The following SORBS2 variants were observed in gnomAD, a reference collection of about 807,000 sequenced individuals.
The protein encoded by SORBS2 is sorbin and SH3 domain-containing protein 2.
SORBS2 carries 46 observed loss-of-function variants against 97.7 expected under a neutral mutation model. That is an observed-to-expected ratio of 0.47 (90% CI 0.37 to 0.60). The LOEUF (loss-of-function observed/expected upper bound fraction) is 0.60. Among genes scored for constraint, SORBS2 ranks in the 20% least tolerant of loss-of-function variants. SORBS2 has a pLI of 0.00. For synonymous variants in SORBS2, 476 were observed against 473.4 expected (o/e 1.01, Z -0.07); for missense variants, 1,316 against 1,282.3 (o/e 1.03, Z -0.40).
intron 1 of SORBS2, among the ~76,000 whole-genome samples, chr4:185,911,382 C>T (rs2099254964): frequency 6.6e-6 from 1 of 152,232 alleles, no homozygotes; most frequent in East Asian, 1.9e-4. Flanking sequence ...TGTGCACCAC[C>T]ATGCCTGGCT....
intron 4 of SORBS2, among the ~76,000 whole-genome samples, chr4:185,678,147 T>A (rs891197013): frequency 6.6e-6 from 1 of 152,176 alleles, no homozygotes; most frequent in Admixed American, 6.5e-5. Context: ...GCATCAGCTG[T>A]CAGCTTTTAA....
intron 1 of SORBS2, among the ~76,000 whole-genome samples, chr4:185,929,495 A>G (rs1054142592): frequency 6.6e-6 from 1 of 151,514 alleles, no homozygotes; most frequent in Non-Finnish European, 1.5e-5. Flanking sequence ...TTTCATTATG[A>G]TAGCAAAGAG....
intron 1 of SORBS2, among the ~76,000 whole-genome samples, chr4:185,835,421 T>G (rs2099207485): frequency 6.6e-6 from 1 of 152,234 alleles, no homozygotes; most frequent in Non-Finnish European, 1.5e-5. Context: ...TTGTCTTGTT[T>G]AGTGGAAGAT....
intron 1 of SORBS2, among the ~76,000 whole-genome samples, chr4:185,857,928 C>CTAATTTTGCCCTTGCCTTG (rs1227192841): frequency 6.6e-6 from 1 of 152,172 alleles, no homozygotes; most frequent in African/African-American, 2.4e-5. Flanking sequence ...ATCAGTAATT[C>CTAATTTTGCCCTTGCCTTG]TAATTTTGCC....
At chr4:185,943,705 A>G (rs13119808) in intron 1 of SORBS2, among the ~76,000 whole-genome samples, 127,730 of 152,152 alleles carry the variant, frequency 0.84, 54,253 homozygotes, top group East Asian at 0.95. Flanking sequence ...TAATTTAAAA[A>G]GAACAATTGA....
At chr4:185,682,165 A>C (rs561236938) in intron 2 of SORBS2, among the ~76,000 whole-genome samples, 1 of 152,314 alleles carries the variant, frequency 6.6e-6, no homozygotes, top group South Asian at 2.1e-4. Context: ...AGAGGTAAGA[A>C]ATGACAAACA....
chr4:185,663,478 T>C (rs2097549581), intron 4 of SORBS2, among the ~76,000 whole-genome samples: 1 of 152,212 alleles, frequency 6.6e-6, no homozygotes, highest in Admixed American at 6.5e-5. Flanking sequence ...CTCTAAGCTG[T>C]TAGAAAAATT....
chr4:185,946,111 T>C (rs2099274399), intron 1 of SORBS2, among the ~76,000 whole-genome samples: 1 of 150,310 alleles, frequency 6.7e-6, no homozygotes, highest in Non-Finnish European at 1.5e-5. Context: ...GGTGTGATGA[T>C]TGGGTTTCTA....
intron 1 of SORBS2, among the ~76,000 whole-genome samples, chr4:185,907,625 T>C (rs941844665): frequency 3.3e-5 from 5 of 152,230 alleles, no homozygotes; most frequent in Admixed American, 2.0e-4. Flanking sequence ...TTATGTATAA[T>C]GTGATTTTAG....
intron 1 of SORBS2, 112 bp from the exon 2 acceptor site, chr4:185,775,478 CG>C (rs2098995381): frequency 6.6e-6 from 1 of 151,948 alleles, no homozygotes; most frequent in Non-Finnish European, 1.5e-5. Flanking sequence ...TAACAGCAGC[CG>C]GGGTTGTCTG....
At chr4:185,906,238 G>A (rs2099250751) in intron 1 of SORBS2, among the ~76,000 whole-genome samples, 1 of 152,134 alleles carries the variant, frequency 6.6e-6, no homozygotes, top group African/African-American at 2.4e-5. Flanking sequence ...TCTCCTTGTT[G>A]CTCAGGCTGG....
intron 12 of SORBS2, among the ~76,000 whole-genome samples, chr4:185,604,735 AT>A (rs748729801): frequency 1.3e-5 from 2 of 152,042 alleles, no homozygotes; most frequent in Non-Finnish European, 2.9e-5. Context: ...GATCAGTTTA[AT>A]TTTTCGCATG....
exon 15 of SORBS2, chr4:185,586,285 C>T (rs6831183): frequency 0.88 from 133,779 of 152,660 alleles, 58,675 homozygotes; most frequent in Admixed American, 0.91. Context: ...CACTGTGAAC[C>T]ATATTAAACC....
At chr4:185,797,714 C>A (rs73017843) in intron 1 of SORBS2, among the ~76,000 whole-genome samples, 2,925 of 152,294 alleles carry the variant, frequency 0.019, 94 homozygotes, top group African/African-American at 0.066. Flanking sequence ...CAAGTTAGCA[C>A]TACAGAGCTG....
rs556470819 is a variant in SORBS2, at chr4:185,790,846, T to G, written c.-337-15480A>C. ...TTCTGAAATGATCCAATTTTGTCAC[T>G]CAGCATTGACTCTGTACCACAGAAA... On this transcript the variant is annotated intron_variant, in intron 1 of 20. Transcript: ENST00000284776. Among the ~76,000 whole-genome samples the G allele has an allele frequency of 1.7e-4, 26 of 152,296 alleles. No homozygotes were observed. The East Asian group carries it at 4.0e-3, about 24-fold the overall frequency.
At chr4:185,709,186 C>CTT (rs1562044583) in intron 2 of SORBS2, among the ~76,000 whole-genome samples, 2 of 151,950 alleles carry the variant, frequency 1.3e-5, no homozygotes, top group Non-Finnish European at 2.9e-5. Flanking sequence ...ACCCAGCTAA[C>CTT]TTTTGTATTT....
At chr4:185,754,980 T>G (rs2098822379) in intron 2 of SORBS2, among the ~76,000 whole-genome samples, 1 of 152,212 alleles carries the variant, frequency 6.6e-6, no homozygotes, top group Non-Finnish European at 1.5e-5. Context: ...AAATGGGCTT[T>G]GTGAAAATGT....
intron 1 of SORBS2, among the ~76,000 whole-genome samples, chr4:185,809,831 G>T (rs150735093): frequency 6.6e-6 from 1 of 152,128 alleles, no homozygotes; most frequent in East Asian, 1.9e-4. Flanking sequence ...CACAGCAGTC[G>T]GGTGTGCCCT....
intron 1 of SORBS2, among the ~76,000 whole-genome samples, chr4:185,881,705 T>C (rs1486065813): frequency 6.6e-6 from 1 of 152,188 alleles, no homozygotes; most frequent in East Asian, 1.9e-4. Context: ...GTGTGAGGAT[T>C]GATTCTTTCT....
Sources: allele counts gnomAD v4.1 joint callset (sites outside exome capture counted in the v4.1 genomes callset), GRCh38; gene constraint gnomAD v4.1.1; transcripts MANE v1.5; gene names NCBI Gene and HGNC (gene_info 2026-07-23, HGNC 2026-07-21).